Variants in PDE4B observed in about 807,000 individuals in gnomAD.
The protein encoded by PDE4B is phosphodiesterase 4B.
PDE4B carries 20 observed loss-of-function variants against 82.2 expected under a neutral mutation model. The observed-to-expected ratio is 0.24, with a 90% confidence interval of 0.17 to 0.35. The LOEUF is 0.35. Among genes scored for constraint, PDE4B ranks in the 10% least tolerant of loss-of-function variants. PDE4B has a pLI of 1.00. For synonymous variants in PDE4B, 320 were observed against 318.9 expected, an observed-to-expected ratio of 1.00 and a Z score of -0.04; for missense variants, 655 against 907.2, an observed-to-expected ratio of 0.72 and a Z score of 3.57.
chr1:66,331,297 T>G (rs947628376), intron 7 of PDE4B, among the ~76,000 whole-genome samples: 1 of 152,250 alleles, frequency 6.6e-6, no homozygotes, highest in Non-Finnish European at 1.5e-5. Flanking sequence ...TGTTTGTATT[T>G]CAGAAATCTT....
chr1:65,803,893 G>A (rs1645724475), intron 1 of PDE4B, among the ~76,000 whole-genome samples: 1 of 152,102 alleles, frequency 6.6e-6, no homozygotes, highest in African/African-American at 2.4e-5. Context: ...TTCTAACCAT[G>A]GCAAATGTCA....
intron 3 of PDE4B, among the ~76,000 whole-genome samples, chr1:66,170,779 G>C (rs906260307): frequency 1.3e-5 from 2 of 152,108 alleles, no homozygotes; most frequent in African/African-American, 4.8e-5. Flanking sequence ...TGGAATTATG[G>C]GTGGTGGAAT....
intron 3 of PDE4B, among the ~76,000 whole-genome samples, chr1:66,086,938 G>A (rs1657034789): frequency 6.6e-6 from 1 of 152,144 alleles, no homozygotes; most frequent in Admixed American, 6.6e-5. Flanking sequence ...TTAAAGGACT[G>A]AGTGGAAATT....
At chr1:66,099,325 T>C (rs1244076939) in intron 3 of PDE4B, among the ~76,000 whole-genome samples, 2 of 152,150 alleles carry the variant, frequency 1.3e-5, no homozygotes, top group African/African-American at 4.8e-5. Context: ...TGCATAGTAC[T>C]CCATGGTGTA....
intron 1 of PDE4B, among the ~76,000 whole-genome samples, chr1:65,869,193 A>G (rs181659582): frequency 4.5e-4 from 68 of 152,376 alleles, no homozygotes; most frequent in Admixed American, 2.1e-3. Flanking sequence ...CGTTTCAGAT[A>G]CAATCTATCC....
intron 3 of PDE4B, among the ~76,000 whole-genome samples, chr1:65,978,119 C>T (rs112192157): frequency 6.6e-6 from 1 of 151,022 alleles, no homozygotes; most frequent in African/African-American, 2.4e-5. Flanking sequence ...CGTCCGCCTC[C>T]CAGGTTCAAG....
At chr1:65,911,287 C>T (rs1271486940) in intron 1 of PDE4B, among the ~76,000 whole-genome samples, 11 of 152,092 alleles carry the variant, frequency 7.2e-5, no homozygotes. Flanking sequence ...TATTTTTGAA[C>T]ATCATATTGT....
chr1:66,343,793 G>T (rs1455952028), intron 8 of PDE4B, among the ~76,000 whole-genome samples: 1 of 152,152 alleles, frequency 6.6e-6, no homozygotes, highest in African/African-American at 2.4e-5. Flanking sequence ...AGATTATCCT[G>T]CTTTTAAAGA....
chr1:65,937,309 T>C (rs1045774710), intron 3 of PDE4B, among the ~76,000 whole-genome samples: 8 of 152,140 alleles, frequency 5.3e-5, no homozygotes, highest in African/African-American at 1.9e-4. Flanking sequence ...CTGGAAACAT[T>C]CGTTATTGTG....
intron 1 of PDE4B, among the ~76,000 whole-genome samples, chr1:65,864,884 T>A (rs1646493751): frequency 6.6e-6 from 1 of 152,146 alleles, no homozygotes; most frequent in South Asian, 2.1e-4. Flanking sequence ...TTAGCAGAGC[T>A]CAAACACCGT....
At chr1:65,875,143 C>G (rs1251418055) in intron 1 of PDE4B, among the ~76,000 whole-genome samples, 1 of 152,074 alleles carries the variant, frequency 6.6e-6, no homozygotes, top group Non-Finnish European at 1.5e-5. Context: ...GGGCGAAGGA[C>G]ATGAACAGAA....
intron 3 of PDE4B, among the ~76,000 whole-genome samples, chr1:66,188,434 G>A (rs1197464065): frequency 6.6e-6 from 1 of 151,974 alleles, no homozygotes; most frequent in South Asian, 2.1e-4. Context: ...TGACAGTGGG[G>A]TGTTAAAGTC....
At chr1:65,957,472 C>A (rs1487707574) in intron 3 of PDE4B, among the ~76,000 whole-genome samples, 2 of 151,988 alleles carry the variant, frequency 1.3e-5, no homozygotes, top group East Asian at 3.9e-4. Flanking sequence ...TAATTTATAT[C>A]AGTAAGGCAT....
chr1:66,217,286 T>C (rs1466365331), intron 3 of PDE4B, among the ~76,000 whole-genome samples: 1 of 152,040 alleles, frequency 6.6e-6, no homozygotes, highest in Non-Finnish European at 1.5e-5. Flanking sequence ...TAAATGACAC[T>C]TGATAAAGGT....
chr1:66,371,133 T>TATATAA (rs1223854748), intron 16 of PDE4B, among the ~76,000 whole-genome samples: 48 of 127,084 alleles, frequency 3.8e-4, no homozygotes, highest in Non-Finnish European at 2.1e-4. Flanking sequence ...TATATATATA[T>TATATAA]AATTTTATTT....
In PDE4B at chr1:65,885,857, TAA is replaced by T. The variant is rs1491045488; in HGVS notation, c.-70-27387_-70-27386del. Among the ~76,000 whole-genome samples, 824 of 121,036 alleles carry T rather than the reference TAA, an allele frequency of 6.8e-3. 12 individuals carry two copies. Among genetic ancestry groups the T allele is most frequent in the African/African-American group, 0.034 (796 of 23,542 alleles). The allele number at this position is 121,036 out of a possible 152,430, so 79.4% of individuals were successfully genotyped here. A position where few individuals can be genotyped will look rare whatever the true frequency, so the allele number is the denominator to read the frequency against. Reference sequence around the variant, plus strand: ...CACATGTACCCTAAAACTTAACGTATAATAATAATAATAATAATAATAATAAT... The same window carrying T: ...CACATGTACCCTAAAACTTAACGTATTAATAATAATAATAATAATAATAAT... On this transcript the variant is annotated intron_variant, in intron 1 of 16. Coordinates refer to ENST00000341517, the MANE Select transcript of PDE4B (RefSeq NM_002600.4).
At chr1:66,234,243 C>A (rs995882140) in intron 3 of PDE4B, among the ~76,000 whole-genome samples, 6 of 152,140 alleles carry the variant, frequency 3.9e-5, no homozygotes, top group Non-Finnish European at 8.8e-5. Context: ...TGGTGTTTTA[C>A]AAGGAATTCG....
chr1:66,257,945 A>G (rs1654375750), intron 6 of PDE4B, 82 bp downstream of exon 6: 4 of 916,624 alleles, frequency 4.4e-6, no homozygotes, highest in African/African-American at 1.6e-5. Context: ...AAATACAACT[A>G]TTACATGGAA....
chr1:66,338,274 T>G (rs934874298), intron 8 of PDE4B, among the ~76,000 whole-genome samples: 2 of 152,226 alleles, frequency 1.3e-5, no homozygotes, highest in African/African-American at 4.8e-5. Flanking sequence ...ATGATCCCAA[T>G]GAGGCATATA....
Sources: allele counts gnomAD v4.1 joint callset (sites outside exome capture counted in the v4.1 genomes callset), GRCh38; gene constraint gnomAD v4.1.1; transcripts MANE v1.5; gene names NCBI Gene and HGNC (gene_info 2026-07-23, HGNC 2026-07-21).